Variants in CLSTN2 observed in about 807,000 individuals in gnomAD.
CLSTN2 encodes calsyntenin-2.
A neutral mutation model predicts 101.2 loss-of-function variants in CLSTN2; 48 were observed. That is an observed-to-expected ratio of 0.47 (90% confidence interval 0.38 to 0.60). The LOEUF (loss-of-function observed/expected upper bound fraction) is 0.60. CLSTN2 is among the 20% of genes least tolerant of loss of function. CLSTN2 has a pLI of 0.00. For missense variants in CLSTN2, 1,160 were observed against 1,238.2 expected (o/e 0.94, Z 0.95); for synonymous variants, 481 against 463.6 (o/e 1.04, Z -0.48).
intron 2 of CLSTN2, among the ~76,000 whole-genome samples, chr3:140,242,470 C>T (rs749731255): frequency 6.6e-6 from 1 of 152,118 alleles, no homozygotes; most frequent in African/African-American, 2.4e-5. Flanking sequence ...CATATTGGAG[C>T]CCTGGTGTGC....
chr3:140,483,198 T>G (rs377141430), intron 8 of CLSTN2, among the ~76,000 whole-genome samples: 10 of 152,318 alleles, frequency 6.6e-5, no homozygotes, highest in Non-Finnish European at 1.2e-4. Context: ...ATTTCGTTAT[T>G]TACCCAGTAG....
intron 1 of CLSTN2, among the ~76,000 whole-genome samples, chr3:139,943,618 C>T (rs111553308): frequency 2.2e-4 from 34 of 152,300 alleles, no homozygotes; most frequent in African/African-American, 8.2e-4. Context: ...ACCACCAGCA[C>T]CTAGAATCTA....
chr3:140,054,060 C>T (rs984097043), intron 1 of CLSTN2, among the ~76,000 whole-genome samples: 1 of 152,126 alleles, frequency 6.6e-6, no homozygotes, highest in Admixed American at 6.5e-5. Flanking sequence ...GTTTAACTCT[C>T]ACAGGGCAAG....
chr3:140,140,197 A>ATTTATTGTTGTG (rs2009676110), intron 1 of CLSTN2, among the ~76,000 whole-genome samples: 1 of 152,122 alleles, frequency 6.6e-6, no homozygotes, highest in Non-Finnish European at 1.5e-5. Flanking sequence ...GGCAGCCTAC[A>ATTTATTGTTGTG]TCCTTTTATT....
rs537781777 is a variant in CLSTN2 at position 140,146,216 on chromosome 3, A to C, written c.110-29735A>C. Among the ~76,000 whole-genome samples the C allele has an allele frequency of 2.6e-5, 4 of 152,382 alleles. No homozygotes were observed. In the East Asian group the frequency reaches 5.8e-4, roughly 22 times the overall value. On this transcript the variant is annotated intron_variant, in intron 1 of 16. Coordinates refer to ENST00000458420, the MANE Select transcript of CLSTN2 (RefSeq NM_022131.3). The stretch of plus-strand genomic sequence containing the variant: ...AACTGGAAAAAAGTGGAATTTAATA[A>C]GTTCAACTAAGCATATAATAACTTA...
At chr3:140,354,441 A>G (rs903261148) in intron 2 of CLSTN2, among the ~76,000 whole-genome samples, 2 of 152,162 alleles carry the variant, frequency 1.3e-5, no homozygotes, top group Admixed American at 6.5e-5. Flanking sequence ...TCTCATGACA[A>G]CCACGTATGC....
At chr3:140,341,324 G>A (rs755497108) in intron 2 of CLSTN2, among the ~76,000 whole-genome samples, 3 of 152,128 alleles carry the variant, frequency 2.0e-5, no homozygotes, top group South Asian at 2.1e-4. Flanking sequence ...TCTCAGCTGC[G>A]AATTTGGCCA....
At chr3:140,406,910 T>C (rs2107980926) in intron 4 of CLSTN2, among the ~76,000 whole-genome samples, 1 of 152,378 alleles carries the variant, frequency 6.6e-6, no homozygotes, top group South Asian at 2.1e-4. Flanking sequence ...GTCATGAAGA[T>C]AATTACTCAC....
At chr3:139,950,468 C>T (rs1935278237) in intron 1 of CLSTN2, among the ~76,000 whole-genome samples, 1 of 152,182 alleles carries the variant, frequency 6.6e-6, no homozygotes, top group South Asian at 2.1e-4. Flanking sequence ...ATAGAATAGA[C>T]CATTTTTTCT....
intron 2 of CLSTN2, among the ~76,000 whole-genome samples, chr3:140,340,580 A>AT (rs2087482567): frequency 6.6e-6 from 1 of 152,172 alleles, no homozygotes; most frequent in Admixed American, 6.5e-5. Flanking sequence ...AAAATTTCAA[A>AT]TGATGGTACA....
At chr3:140,299,419 T>C (rs1306487449) in intron 2 of CLSTN2, among the ~76,000 whole-genome samples, 3 of 152,352 alleles carry the variant, frequency 2.0e-5, no homozygotes, top group Middle Eastern at 3.4e-3. Context: ...GTGTTCTTAA[T>C]CATAACATGC....
chr3:139,970,511 G>A (rs1277660269), intron 1 of CLSTN2, among the ~76,000 whole-genome samples: 5 of 152,220 alleles, frequency 3.3e-5, no homozygotes, highest in Admixed American at 2.6e-4. Context: ...GGGCTTGTGA[G>A]GCATGTGTGA....
chr3:140,191,436 T>C (rs1477990929), intron 2 of CLSTN2, among the ~76,000 whole-genome samples: 1 of 152,050 alleles, frequency 6.6e-6, no homozygotes, highest in East Asian at 1.9e-4. Flanking sequence ...AATTGGGAAG[T>C]GTCCCCTCCT....
chr3:140,006,448 G>A (rs2006956510), intron 1 of CLSTN2, among the ~76,000 whole-genome samples: 1 of 152,158 alleles, frequency 6.6e-6, no homozygotes. Flanking sequence ...AATGTTCATG[G>A]AGGCAGTTGG....
At chr3:140,172,157 C>G (rs114667502) in intron 1 of CLSTN2, among the ~76,000 whole-genome samples, 6 of 151,108 alleles carry the variant, frequency 4.0e-5, no homozygotes, top group African/African-American at 1.2e-4. Flanking sequence ...ATTATTCTAG[C>G]CCCCCTCTAA....
chr3:140,408,468 C>G (rs1302916200), intron 4 of CLSTN2, among the ~76,000 whole-genome samples: 1 of 152,176 alleles, frequency 6.6e-6, no homozygotes, highest in Non-Finnish European at 1.5e-5. Context: ...CTCAGGATCT[C>G]AACAGCCTCA....
intron 8 of CLSTN2, among the ~76,000 whole-genome samples, chr3:140,482,453 C>T (rs977689231): frequency 2.6e-5 from 4 of 152,110 alleles, no homozygotes; most frequent in Non-Finnish European, 5.9e-5. Context: ...ATGATGCTGG[C>T]CTCATAAAAT....
intron 2 of CLSTN2, among the ~76,000 whole-genome samples, chr3:140,186,554 A>T (rs1342063966): frequency 6.6e-6 from 1 of 152,120 alleles, no homozygotes; most frequent in African/African-American, 2.4e-5. Flanking sequence ...TCAGAGCTTG[A>T]TTTTATTATC....
chr3:140,480,408 A>G (rs371620478), intron 8 of CLSTN2, among the ~76,000 whole-genome samples: 6 of 152,074 alleles, frequency 3.9e-5, no homozygotes, highest in Non-Finnish European at 7.4e-5. Flanking sequence ...ATAAACATAC[A>G]TGTGCATGTG....
Sources: gnomAD v4.1 joint callset for allele counts (sites outside exome capture counted in the v4.1 genomes callset) on GRCh38, gnomAD v4.1.1 for gene constraint, MANE v1.5 for transcripts, NCBI Gene and HGNC (gene_info 2026-07-23, HGNC 2026-07-21) for gene names.